The following PKN2 variants were observed in gnomAD, a reference collection of about 807,000 sequenced individuals.
PKN2 encodes protein kinase N2.
Under a neutral mutation model 119.1 loss-of-function variants are expected in PKN2, and 38 were observed. That is an observed-to-expected ratio of 0.32 (90% confidence interval 0.25 to 0.42). The LOEUF (loss-of-function observed/expected upper bound fraction) is 0.42. Ranked by LOEUF, PKN2 falls within the 10% of genes least tolerant of loss-of-function variation. The pLI is 1.00. For missense variants in PKN2, 850 were observed against 1,165.1 expected (o/e 0.73, Z 3.94); for synonymous variants, 390 against 384.9 (o/e 1.01, Z -0.15).
At chr1:88,702,843 T>C (rs1666824885) in intron 1 of PKN2, among the ~76,000 whole-genome samples, 1 of 152,202 alleles carries the variant, frequency 6.6e-6, no homozygotes, top group Non-Finnish European at 1.5e-5. Context: ...ATTTGCAACA[T>C]TGTGTTTGAA....
rs191569415 is a variant in PKN2, at chr1:88,709,981, G to C, written c.48+25353G>C. Among the ~76,000 whole-genome samples the C allele has an allele frequency of 3.5e-3, 528 of 152,308 alleles. 8 individuals are homozygous for C. The highest frequency in any genetic ancestry group is 0.032 in the Admixed American group (491 of 15,300). On this transcript the variant is annotated intron_variant, in intron 1 of 21. Coordinates refer to ENST00000370521, the MANE Select transcript of PKN2 (RefSeq NM_006256.4). ...AAATGATCCTTAGGATTGGAGGTGGGTGATTGTGGATTTTGGCATCATCAA... is the reference window on the plus strand; with the variant it reads ...AAATGATCCTTAGGATTGGAGGTGGCTGATTGTGGATTTTGGCATCATCAA...
intron 2 of PKN2, among the ~76,000 whole-genome samples, chr1:88,748,290 CCTGTT>C (rs1484828473): frequency 6.6e-6 from 1 of 152,176 alleles, no homozygotes; most frequent in African/African-American, 2.4e-5. Flanking sequence ...CAACCACTGA[CCTGTT>C]CTGTCACTAT....
At chr1:88,703,140 G>A (rs1166371173) in intron 1 of PKN2, among the ~76,000 whole-genome samples, 1 of 151,992 alleles carries the variant, frequency 6.6e-6, no homozygotes, top group Non-Finnish European at 1.5e-5. Flanking sequence ...TTATGTAAAT[G>A]ATACTTAATG....
intron 1 of PKN2, among the ~76,000 whole-genome samples, chr1:88,700,316 G>A (rs1473611603): frequency 6.6e-6 from 1 of 152,044 alleles, no homozygotes; most frequent in Non-Finnish European, 1.5e-5. Flanking sequence ...GGTCTTTGAG[G>A]AATTGCCACA....
chr1:88,810,522 A>T (rs1338643761), intron 15 of PKN2, among the ~76,000 whole-genome samples: 1 of 152,108 alleles, frequency 6.6e-6, no homozygotes, highest in Non-Finnish European at 1.5e-5. Context: ...AATTTTAAAT[A>T]TTTACTTTCC....
At chr1:88,695,732 G>C (rs1332013470) in intron 1 of PKN2, among the ~76,000 whole-genome samples, 1 of 152,050 alleles carries the variant, frequency 6.6e-6, no homozygotes, top group Non-Finnish European at 1.5e-5. Flanking sequence ...TCTTGGTAAG[G>C]TTATACTTTC....
chr1:88,691,054 T>A (rs1024548116), intron 1 of PKN2, among the ~76,000 whole-genome samples: 1 of 152,082 alleles, frequency 6.6e-6, no homozygotes, highest in African/African-American at 2.4e-5. Flanking sequence ...GAGAGTTTTT[T>A]ATTTATTTTA....
At chr1:88,783,694 G>GT (rs571911097) in intron 6 of PKN2, among the ~76,000 whole-genome samples, 157 of 152,246 alleles carry the variant, frequency 1.0e-3, no homozygotes, top group African/African-American at 3.7e-3. Context: ...TTAAATTCTA[G>GT]TATACTGTGT....
At chr1:88,749,780 A>T (rs1668914483) in intron 2 of PKN2, among the ~76,000 whole-genome samples, 1 of 152,248 alleles carries the variant, frequency 6.6e-6, no homozygotes, top group African/African-American at 2.4e-5. Context: ...AAGAATATAG[A>T]TAAATAGTAA....
intron 8 of PKN2, among the ~76,000 whole-genome samples, chr1:88,800,941 C>T (rs528903971): frequency 1.8e-4 from 28 of 152,252 alleles, no homozygotes; most frequent in Non-Finnish European, 3.8e-4. Flanking sequence ...TTGTACTGCT[C>T]AGCTTTTTTT....
intron 1 of PKN2, among the ~76,000 whole-genome samples, chr1:88,726,061 A>G (rs1667886494): frequency 6.6e-6 from 1 of 152,060 alleles, no homozygotes; most frequent in South Asian, 2.1e-4. Flanking sequence ...GTATTCTGTG[A>G]TTTTGCGAAC....
intron 18 of PKN2, among the ~76,000 whole-genome samples, chr1:88,826,912 T>A (rs898186318): frequency 5.3e-5 from 8 of 152,160 alleles, no homozygotes; most frequent in Non-Finnish European, 8.8e-5. Context: ...ACTGTTTTTT[T>A]AAATAATATT....
intron 16 of PKN2, among the ~76,000 whole-genome samples, chr1:88,814,985 A>G (rs1392867496): frequency 6.6e-6 from 1 of 152,212 alleles, no homozygotes; most frequent in African/African-American, 2.4e-5. Flanking sequence ...ATCAAGTTTC[A>G]GATGAGGGAC....
chr1:88,701,867 G>A (rs1428774899), intron 1 of PKN2, among the ~76,000 whole-genome samples: 1 of 152,224 alleles, frequency 6.6e-6, no homozygotes, highest in African/African-American at 2.4e-5. Flanking sequence ...GATAGCAATA[G>A]AAGAGATGGC....
rs111715051 is a variant in PKN2, at chr1:88,708,758, G to A, written c.48+24130G>A. Among the ~76,000 whole-genome samples, 1,384 of 151,590 alleles carry A rather than the reference G, an allele frequency of 9.1e-3. 12 individuals carry two copies. Among genetic ancestry groups the A allele is most frequent in the Non-Finnish European group, 0.014 (924 of 67,928 alleles). On this transcript the variant is annotated intron_variant, in intron 1 of 21. Transcript: ENST00000370521. ...ATTGCAGGCGTGAGCCACCATGCCC[G>A]GCCCCTAAAACACTGATTTTTAACA...
intron 8 of PKN2, among the ~76,000 whole-genome samples, chr1:88,798,711 G>T (rs1671190730): frequency 6.6e-6 from 1 of 152,222 alleles, no homozygotes; most frequent in South Asian, 2.1e-4. Context: ...ACGGAGTGGA[G>T]TTCCAGAAGG....
chr1:88,825,185 C>A (rs543231426), intron 18 of PKN2, among the ~76,000 whole-genome samples: 1 of 152,282 alleles, frequency 6.6e-6, no homozygotes, highest in Admixed American at 6.5e-5. Context: ...CCATCACATA[C>A]CCACTGACCT....
chr1:88,804,701 C>A, intron 9 of PKN2, 145 bp from the exon 10 acceptor site: 1 of 745,296 alleles, frequency 1.3e-6, no homozygotes, highest in Non-Finnish European at 2.2e-6. Flanking sequence ...ATCAATTATT[C>A]TTCCTATGTC....
At chr1:88,776,107 CAA>C (rs61540217) in intron 6 of PKN2, among the ~76,000 whole-genome samples, 11 of 93,592 alleles carry the variant, frequency 1.2e-4, no homozygotes, top group Admixed American at 2.2e-4. Context: ...GACTCCGTCT[CAA>C]AAAAAAAAAA....
Sources: allele counts gnomAD v4.1 joint callset (sites outside exome capture counted in the v4.1 genomes callset), GRCh38; gene constraint gnomAD v4.1.1; transcripts MANE v1.5; gene names NCBI Gene and HGNC (gene_info 2026-07-23, HGNC 2026-07-21).